Variants in FRRS1L observed in about 807,000 individuals in gnomAD.
FRRS1L encodes the protein DOMON domain-containing protein FRRS1L.
In FRRS1L, 22 loss-of-function variants were observed where a neutral mutation model predicts 28.6. That is an observed-to-expected ratio of 0.77 (90% CI 0.55 to 1.10). FRRS1L has a LOEUF of 1.10. Among genes scored for constraint, FRRS1L ranks in the 50% least tolerant of loss-of-function variants. The pLI is 0.00. For synonymous variants in FRRS1L, 158 were observed against 151.4 expected (o/e 1.04, Z -0.32); for missense variants, 380 against 386.9 (o/e 0.98, Z 0.15).
In FRRS1L at chr9:109,137,592, C is replaced by T; in HGVS notation, c.745G>A (p.Ala249Thr). Reference sequence around the variant, plus strand: ...TAAATACTGACAACACGCTCTGAAGCCGGCGGTGAGTCTATATCATGTCGA... The same window carrying T: ...TAAATACTGACAACACGCTCTGAAGTCGGCGGTGAGTCTATATCATGTCGA... The part of the protein sequence containing the change: ...ITRHDIDSPP[A>T]SERVVSIYKY... Residue 249 changes from alanine (A) to threonine (T), a missense_variant, in exon 5 of 5, where the codon GCT becomes ACT. Physicochemically the swap from Ala to Thr is moderately conservative, Grantham distance 58. Coordinates refer to ENST00000561981, the MANE Select transcript of FRRS1L (RefSeq NM_014334.4). 6.2e-7 allele frequency: 1 copy of T among 1,610,784 alleles called. No homozygotes were observed.
chr9:109,164,078 A>C (rs1391138169), intron 1 of FRRS1L, among the ~76,000 whole-genome samples: 1 of 152,096 alleles, frequency 6.6e-6, no homozygotes, highest in South Asian at 2.1e-4. Flanking sequence ...CTTTTAAGGC[A>C]ATGTCACTGT....
chr9:109,166,909 G>A lies in FRRS1L; in HGVS notation c.230C>T (p.Ser77Leu). Reference sequence around the variant, plus strand: ...CCCTCCCGCAGCCTCACCCTCCTCCGACAGGTAGCGCAGGTCGTAGAACTC... The same window carrying A: ...CCCTCCCGCAGCCTCACCCTCCTCCAACAGGTAGCGCAGGTCGTAGAACTC... ...AGEFYDLRYLSEEGYPFPTAP... is the reference protein window; with the variant it reads ...AGEFYDLRYLLEEGYPFPTAP... The change falls in exon 1 of 5, where the codon TCG becomes TTG. Residue 77 changes from serine (S) to leucine (L), a missense_variant. Coordinates refer to ENST00000561981, the MANE Select transcript of FRRS1L (RefSeq NM_014334.4). 3 of 1,191,414 alleles carry A rather than the reference G, an allele frequency of 2.5e-6. No individual in the cohort carries two copies. Among genetic ancestry groups the A allele is most frequent in the Non-Finnish European group, 3.2e-6 (3 of 940,844 alleles). 73.8% of individuals were successfully genotyped at this position (1,191,414 alleles called of 1,614,324 possible).
chr9:109,163,271 T>C lies in FRRS1L; in HGVS notation c.238+3630A>G, dbSNP rs185036338. 3.3e-5 allele frequency among the ~76,000 whole-genome samples: 5 copies of C among 152,228 alleles called. 1 individual carries two copies. The highest frequency in any genetic ancestry group is 2.6e-4 in the Admixed American group (4 of 15,288). ...CCTCAAGGGAAAGAAGTATGAGTGGTAGGATTCAAGCACTAAGATCCTATC... is the reference window on the plus strand; with the variant it reads ...CCTCAAGGGAAAGAAGTATGAGTGGCAGGATTCAAGCACTAAGATCCTATC... On this transcript the variant is annotated intron_variant, in intron 1 of 4. Transcript: ENST00000561981.
rs1831072494 is a variant in FRRS1L at position 109,132,848 on chromosome 9, G to A, written c.*4607C>T. On this transcript the variant is annotated 3_prime_UTR_variant, in exon 5 of 5. Coordinates refer to ENST00000561981, the MANE Select transcript of FRRS1L (RefSeq NM_014334.4). The stretch of plus-strand genomic sequence containing the variant: ...AACATAGCCATGCTCATTCATTTAT[G>A]TATTGTTTATAGCAGAGCCAAACAG... 1 of 152,300 alleles carries A rather than the reference G, an allele frequency of 6.6e-6. No homozygotes were observed. The highest frequency in any genetic ancestry group is 2.4e-5 in the African/African-American group (1 of 41,576). 9.4% of individuals were successfully genotyped at this position (152,300 alleles called of 1,614,324 possible). A position where few individuals can be genotyped will look rare whatever the true frequency, so the allele number is the denominator to read the frequency against.
chr9:109,164,999 A>C (rs890396041), intron 1 of FRRS1L, among the ~76,000 whole-genome samples: 12 of 152,124 alleles, frequency 7.9e-5, no homozygotes, highest in Admixed American at 7.2e-4. Flanking sequence ...CTGCAGAGAG[A>C]CTCAAAGGAC....
At chr9:109,159,612 C>T (rs1025337567) in intron 1 of FRRS1L, among the ~76,000 whole-genome samples, 1 of 152,192 alleles carries the variant, frequency 6.6e-6, no homozygotes, top group South Asian at 2.1e-4. Context: ...GAGCCAAGAT[C>T]GCGCCATTGC....
In FRRS1L at chr9:109,166,918, C is replaced by A; in HGVS notation, c.221G>T (p.Arg74Leu). Residue 74 changes from arginine to leucine, a missense_variant, in exon 1 of 5, where the codon CGC (arginine) becomes CTC (leucine). Physicochemically the swap from Arg to Leu is moderately radical, Grantham distance 102. Coordinates refer to ENST00000561981, the MANE Select transcript of FRRS1L (RefSeq NM_014334.4). ...AGCCTCACCCTCCTCCGACAGGTAG[C>A]GCAGGTCGTAGAACTCCCCCGCGAA... Reference protein sequence around the residue: ...GTFAGEFYDLRYLSEEGYPFP... With the variant: ...GTFAGEFYDLLYLSEEGYPFP... 3 of 1,366,402 alleles carry A rather than the reference C, an allele frequency of 2.2e-6. No individual in the cohort carries two copies. Among genetic ancestry groups the A allele is most frequent in the Non-Finnish European group, 2.9e-6 (3 of 1,050,368 alleles). The allele number at this position is 1,366,402 out of a possible 1,614,324, so 84.6% of individuals were successfully genotyped here. A position where few individuals can be genotyped will look rare whatever the true frequency, so the allele number is the denominator to read the frequency against.
In FRRS1L at chr9:109,132,083, C is replaced by G. The variant is rs1010121577; in HGVS notation, c.*5372G>C. The G allele has an allele frequency of 6.6e-6, 1 of 151,894 alleles. No individual in the cohort carries two copies. Among genetic ancestry groups the G allele is most frequent in the African/African-American group, 2.4e-5 (1 of 41,404 alleles). The allele number at this position is 151,894 out of a possible 1,614,324, so 9.4% of individuals were successfully genotyped here. A position where few individuals can be genotyped will look rare whatever the true frequency, so the allele number is the denominator to read the frequency against. The stretch of plus-strand genomic sequence containing the variant: ...CCACCTCCCGGGTTCACGCCATTCT[C>G]TTGCCTCAGCCTCCTGAGTAGCTGG... On this transcript the variant is annotated 3_prime_UTR_variant, in exon 5 of 5. Coordinates refer to ENST00000561981, the MANE Select transcript of FRRS1L (RefSeq NM_014334.4).
At chr9:109,154,549 G>A (rs1479502750) in intron 1 of FRRS1L, among the ~76,000 whole-genome samples, 4 of 152,134 alleles carry the variant, frequency 2.6e-5, no homozygotes, top group Non-Finnish European at 5.9e-5. Context: ...CAATTCTAAT[G>A]GGAAATTATT....
intron 1 of FRRS1L, chr9:109,151,617 G>A: frequency 4.4e-6 from 1 of 224,950 alleles, no homozygotes; most frequent in East Asian, 1.3e-4. Context: ...ATTATGGTGA[G>A]TTGTATAATT....
intron 1 of FRRS1L, among the ~76,000 whole-genome samples, chr9:109,158,443 A>G (rs10979719): frequency 0.062 from 9,500 of 152,180 alleles, 358 homozygotes; most frequent in African/African-American, 0.089. Context: ...ATTCACAAAC[A>G]CTTCCATGAT....
At chr9:109,144,401 C>T (rs146544579) in intron 3 of FRRS1L, among the ~76,000 whole-genome samples, 4 of 152,204 alleles carry the variant, frequency 2.6e-5, no homozygotes, top group East Asian at 1.9e-4. Context: ...GAGACAGTCT[C>T]GCTCTGTTGC....
intron 4 of FRRS1L, chr9:109,140,216 C>T (rs568713387): frequency 7.9e-5 from 12 of 152,448 alleles, no homozygotes; most frequent in African/African-American, 2.9e-4. Context: ...CTTAGGGAGG[C>T]CAAAGCTGGT....
rs1287439427 is a variant in FRRS1L, at chr9:109,133,419, T to G, written c.*4036A>C. ...AAAAAGTCCTCCAATTAATTGTAAA[T>G]TACTAAATGGGGGAAAAAAGGCACC... On this transcript the variant is annotated 3_prime_UTR_variant, in exon 5 of 5. Transcript: ENST00000561981. 6.6e-6 allele frequency: 1 copy of G among 152,182 alleles called. No homozygotes were observed. Among genetic ancestry groups the G allele is most frequent in the Non-Finnish European group, 1.5e-5 (1 of 68,038 alleles). The allele number at this position is 152,182 out of a possible 1,614,324, so 9.4% of individuals were successfully genotyped here.
chr9:109,135,630 T>C lies in FRRS1L; in HGVS notation c.*1825A>G, dbSNP rs1831102514. On this transcript the variant is annotated 3_prime_UTR_variant, in exon 5 of 5. Transcript: ENST00000561981. The stretch of plus-strand genomic sequence containing the variant: ...CACACCCGGCTAATTTTTGTATTTT[T>C]AGTGGAGACAAGGTTTTGCCATGTT... 6.6e-6 allele frequency: 1 copy of C among 152,116 alleles called. No homozygotes were observed. The highest frequency in any genetic ancestry group is 6.5e-5 in the Admixed American group (1 of 15,270). The allele number at this position is 152,116 out of a possible 1,614,324, so 9.4% of individuals were successfully genotyped here. A position where few individuals can be genotyped will look rare whatever the true frequency, so the allele number is the denominator to read the frequency against.
Position 109,149,652 on chromosome 9 carries a change from T to G in FRRS1L, c.307A>C (p.Thr103Pro), listed in dbSNP as rs749813075. ...AKIKVDDCGKTKGCFRYGKPG... is the reference protein window; with the variant it reads ...AKIKVDDCGKPKGCFRYGKPG... ...TCCACCAACCTAAAGCATCCCTTAG[T>G]TTTTCCACAGTCGTCCACTTTGATT... The change falls in exon 2 of 5, where the codon ACT becomes CCT. Residue 103 changes from threonine to proline, a missense_variant. Coordinates refer to ENST00000561981, the MANE Select transcript of FRRS1L (RefSeq NM_014334.4). 1.9e-6 allele frequency: 3 copies of G among 1,612,590 alleles called. No homozygotes were observed. The highest frequency in any genetic ancestry group is 3.3e-5 in the Admixed American group (2 of 60,016).
In FRRS1L at chr9:109,136,649, T is replaced by C. The variant is rs1217713058; in HGVS notation, c.*806A>G. ...AATTCTCCTGCCTCAGCCTCCCGAATAGCTGGGATTATAGGTGTGCACCAC... is the reference window on the plus strand; with the variant it reads ...AATTCTCCTGCCTCAGCCTCCCGAACAGCTGGGATTATAGGTGTGCACCAC... On this transcript the variant is annotated 3_prime_UTR_variant, in exon 5 of 5. Transcript: ENST00000561981. 1 of 152,166 alleles carries C rather than the reference T, an allele frequency of 6.6e-6. No homozygotes were observed. Among genetic ancestry groups the C allele is most frequent in the African/African-American group, 2.4e-5 (1 of 41,412 alleles). The allele number at this position is 152,166 out of a possible 1,614,324, so 9.4% of individuals were successfully genotyped here.
chr9:109,133,706 T>G lies in FRRS1L; in HGVS notation c.*3749A>C, dbSNP rs558728777. On this transcript the variant is annotated 3_prime_UTR_variant, in exon 5 of 5. Transcript: ENST00000561981. ...TCCTATGGTTGCGGTGAGGATTAAA[T>G]GAGTTAATTCATGTAAAGTGCTTAG... 4 of 152,366 alleles carry G rather than the reference T, an allele frequency of 2.6e-5. No homozygotes were observed. In the South Asian group the frequency reaches 8.3e-4, roughly 32 times the overall value. 9.4% of individuals were successfully genotyped at this position (152,366 alleles called of 1,614,324 possible). A position where few individuals can be genotyped will look rare whatever the true frequency, so the allele number is the denominator to read the frequency against.
rs1831070436 is a variant in FRRS1L at position 109,132,629 on chromosome 9, T to A, written c.*4826A>T. On this transcript the variant is annotated 3_prime_UTR_variant, in exon 5 of 5. Transcript: ENST00000561981. Reference sequence around the variant, plus strand: ...TAATCATGATATATTGGTGTGTCCCTATCTAAGAACAAGGGTGGGAAAGCC... The same window carrying A: ...TAATCATGATATATTGGTGTGTCCCAATCTAAGAACAAGGGTGGGAAAGCC... The A allele has an allele frequency of 6.6e-6, 1 of 152,180 alleles. No homozygotes were observed. The highest frequency in any genetic ancestry group is 1.9e-4 in the East Asian group (1 of 5,204). The allele number at this position is 152,180 out of a possible 1,614,324, so 9.4% of individuals were successfully genotyped here.
Sources: gnomAD v4.1 joint callset for allele counts (sites outside exome capture counted in the v4.1 genomes callset) on GRCh38, gnomAD v4.1.1 for gene constraint, MANE v1.5 for transcripts, NCBI Gene and HGNC (gene_info 2026-07-23, HGNC 2026-07-21) for gene names.